ERI3: variants seen among roughly 807,000 people sequenced by gnomAD.
ERI3 encodes ERI1 exoribonuclease family member 3, also known as ERI1 exoribonuclease 3.
Under a neutral mutation model 44.4 loss-of-function variants are expected in ERI3, and 18 were observed. The ratio of observed to expected loss-of-function variants is 0.41; its 90% confidence interval spans 0.28 to 0.60. The LOEUF (loss-of-function observed/expected upper bound fraction) is 0.60. Among genes scored for constraint, ERI3 ranks in the 20% least tolerant of loss-of-function variants. The pLI is 0.36. For missense variants in ERI3, 294 were observed against 435.5 expected (o/e 0.68, Z 2.89); for synonymous variants, 183 against 164.8 (o/e 1.11, Z -0.84).
In ERI3 at chr1:44,221,744, G is replaced by T; in HGVS notation, c.932-104C>A. ...GTGGGAAGCAGGGTCAGATTCAGGA[G>T]ACACAGGCTTTAGAGAGGGTGGTCC... On this transcript the variant is annotated intron_variant, in intron 8 of 8. Transcript: ENST00000372257. This position sits in a 1 kb window ranked among gnomAD's most constrained non-coding sequence, Gnocchi z 5.9. The T allele has an allele frequency of 1.1e-6, 1 of 903,488 alleles. No homozygotes were observed. Among genetic ancestry groups the T allele is most frequent in the Non-Finnish European group, 1.8e-6 (1 of 557,908 alleles). The allele number at this position is 903,488 out of a possible 1,614,324, so 56.0% of individuals were successfully genotyped here. A position where few individuals can be genotyped will look rare whatever the true frequency, so the allele number is the denominator to read the frequency against.
intron 7 of ERI3, among the ~76,000 whole-genome samples, chr1:44,262,492 G>A (rs1219299171): frequency 4.6e-5 from 7 of 152,340 alleles, no homozygotes; most frequent in Non-Finnish European, 1.5e-5. Flanking sequence ...CCAAGTCGAA[G>A]CTGCCCATGG....
intron 8 of ERI3, among the ~76,000 whole-genome samples, chr1:44,242,356 G>A (rs907524737): frequency 6.6e-6 from 1 of 152,234 alleles, no homozygotes; most frequent in Non-Finnish European, 1.5e-5. Flanking sequence ...GTCATCTGAA[G>A]CCCAGAAGAC....
chr1:44,345,430 C>T (rs1221566920), intron 2 of ERI3, among the ~76,000 whole-genome samples: 2 of 152,214 alleles, frequency 1.3e-5, no homozygotes, highest in Admixed American at 1.3e-4. Flanking sequence ...GGCAGGGATA[C>T]ATCCAAGTAA....
intron 6 of ERI3, among the ~76,000 whole-genome samples, chr1:44,298,875 T>C (rs325155): frequency 0.97 from 148,164 of 152,334 alleles, 72,082 homozygotes; most frequent in Middle Eastern, 1. Context: ...GCCAAAATCA[T>C]AGCACTGAAC....
intron 3 of ERI3, among the ~76,000 whole-genome samples, chr1:44,329,628 T>G (rs2154330215): frequency 6.6e-6 from 1 of 152,296 alleles, no homozygotes; most frequent in South Asian, 2.1e-4. Flanking sequence ...ATTCCAAGCT[T>G]TCTAGCCAGT....
chr1:44,345,023 T>C (rs1451540524), intron 2 of ERI3, among the ~76,000 whole-genome samples: 1 of 152,242 alleles, frequency 6.6e-6, no homozygotes. Context: ...CAGCCATTAC[T>C]GTCTATCAGG....
intron 5 of ERI3, among the ~76,000 whole-genome samples, chr1:44,311,105 C>T (rs950303607): frequency 3.3e-5 from 5 of 151,854 alleles, no homozygotes; most frequent in African/African-American, 9.7e-5. Flanking sequence ...ATAACCTCCC[C>T]CAAGCTCACT....
chr1:44,277,364 T>C (rs1231958975), intron 7 of ERI3, among the ~76,000 whole-genome samples: 1 of 152,126 alleles, frequency 6.6e-6, no homozygotes, highest in Non-Finnish European at 1.5e-5. Context: ...CTCTAATAGA[T>C]CCTACAGAAA....
At chr1:44,222,015 C>T (rs915361298) in intron 8 of ERI3, among the ~76,000 whole-genome samples, 7 of 152,252 alleles carry the variant, frequency 4.6e-5, no homozygotes, top group Non-Finnish European at 8.8e-5. Flanking sequence ...CGCGTGGGGA[C>T]GGCCCGTCCG....
At chr1:44,315,585 A>G (rs1025116962) in intron 4 of ERI3, among the ~76,000 whole-genome samples, 3 of 152,252 alleles carry the variant, frequency 2.0e-5, no homozygotes, top group Non-Finnish European at 2.9e-5. Context: ...TCCTAGAATC[A>G]TCAGCCTGGG....
chr1:44,223,574 C>T (rs1047146475), intron 8 of ERI3, among the ~76,000 whole-genome samples: 1 of 152,160 alleles, frequency 6.6e-6, no homozygotes, highest in Non-Finnish European at 1.5e-5. Context: ...TGCAATTACC[C>T]AGCGGCCACA....
rs1286671402 is a variant in ERI3 at position 44,328,272 on chromosome 1, A to G, written c.490-8528T>C. On this transcript the variant is annotated intron_variant, in intron 3 of 8. Coordinates refer to ENST00000372257, the MANE Select transcript of ERI3 (RefSeq NM_024066.3). The stretch of plus-strand genomic sequence containing the variant: ...ACACATTTCTCACACACTGTCCCAT[A>G]TGATCCCACATCTCCGTAAGCAGGC... Among the ~76,000 whole-genome samples the G allele has an allele frequency of 6.8e-5, 9 of 131,976 alleles. No individual in the cohort carries two copies. The Admixed American group carries it at 7.1e-4, about 10-fold the overall frequency. 86.6% of individuals were successfully genotyped at this position (131,976 alleles called of 152,430 possible).
At chr1:44,234,888 G>C (rs941972617) in intron 8 of ERI3, among the ~76,000 whole-genome samples, 2 of 151,936 alleles carry the variant, frequency 1.3e-5, no homozygotes, top group African/African-American at 4.8e-5. Context: ...GATTACACGC[G>C]TGTGCCACCA....
chr1:44,312,111 G>A (rs1000515132), intron 5 of ERI3, among the ~76,000 whole-genome samples: 19 of 151,960 alleles, frequency 1.3e-4, no homozygotes, highest in African/African-American at 2.2e-4. Context: ...GGGGCCCCAC[G>A]AAATTCAATC....
chr1:44,308,133 C>T (rs1645878607), intron 6 of ERI3, among the ~76,000 whole-genome samples, 177 bp downstream of exon 6: 1 of 152,212 alleles, frequency 6.6e-6, no homozygotes, highest in Admixed American at 6.5e-5. Flanking sequence ...GACTTGCCCA[C>T]ACCCTGCTCC....
Position 44,310,969 on chromosome 1 carries a change from A to ACGCGCGCG in ERI3, c.666+2199_666+2200insCGCGCGCG, listed in dbSNP as rs1325784183. 3.4e-5 allele frequency among the ~76,000 whole-genome samples: 3 copies of ACGCGCGCG among 88,408 alleles called. 1 individual carries two copies. The highest frequency in any genetic ancestry group is 4.9e-5 in the Non-Finnish European group (2 of 41,154). 58.0% of individuals were successfully genotyped at this position (88,408 alleles called of 152,430 possible). A position where few individuals can be genotyped will look rare whatever the true frequency, so the allele number is the denominator to read the frequency against. The stretch of plus-strand genomic sequence containing the variant: ...GTGCACATCGCGCGCGCGCGCACAC[A>ACGCGCGCG]CACACACACACACACACACACACAC... On this transcript the variant is annotated intron_variant, in intron 5 of 8. Coordinates refer to ENST00000372257, the MANE Select transcript of ERI3 (RefSeq NM_024066.3).
At chr1:44,272,939 A>C (rs1204800916) in intron 7 of ERI3, among the ~76,000 whole-genome samples, 2 of 152,128 alleles carry the variant, frequency 1.3e-5, no homozygotes, top group Non-Finnish European at 2.9e-5. Flanking sequence ...TCCATTATGT[A>C]CTTTATCATT....
chr1:44,221,708 C>G lies in ERI3; in HGVS notation c.932-68G>C. On this transcript the variant is annotated intron_variant, in intron 8 of 8. Coordinates refer to ENST00000372257, the MANE Select transcript of ERI3 (RefSeq NM_024066.3). This position sits in a 1 kb window ranked among gnomAD's most constrained non-coding sequence, Gnocchi z 5.9. The stretch of plus-strand genomic sequence containing the variant: ...CCCTCCATGCCCACAGGTGCTCTTA[C>G]AAGGGTGGGGGTGGGAAGCAGGGTC... 1 of 1,348,386 alleles carries G rather than the reference C, an allele frequency of 7.4e-7. No homozygotes were observed. Among genetic ancestry groups the G allele is most frequent in the Non-Finnish European group, 1.1e-6 (1 of 941,520 alleles). 83.5% of individuals were successfully genotyped at this position (1,348,386 alleles called of 1,614,324 possible).
chr1:44,254,057 T>C (rs1184127469), intron 7 of ERI3, among the ~76,000 whole-genome samples: 1 of 152,210 alleles, frequency 6.6e-6, no homozygotes, highest in Non-Finnish European at 1.5e-5. Context: ...CTGGATATAC[T>C]CTGCAGATGT....
Sources: gnomAD v4.1 joint callset for allele counts (sites outside exome capture counted in the v4.1 genomes callset) on GRCh38, gnomAD v4.1.1 for gene constraint, Gnocchi (gnomAD v3.1) non-coding constraint, MANE v1.5 for transcripts, NCBI Gene and HGNC (gene_info 2026-07-23, HGNC 2026-07-21) for gene names.